Variants in ARHGAP35 observed in about 807,000 individuals in gnomAD.
The protein encoded by ARHGAP35 is rho GTPase-activating protein 35.
In ARHGAP35, 15 loss-of-function variants were observed where a neutral mutation model predicts 111.1. The observed-to-expected ratio is 0.13, with a 90% CI of 0.09 to 0.21. The LOEUF is 0.21. Ranked by LOEUF, ARHGAP35 falls within the 10% of genes least tolerant of loss-of-function variation. The pLI is 1.00. For missense variants in ARHGAP35, 1,262 were observed against 1,873.0 expected (o/e 0.67, Z 6.02); for synonymous variants, 643 against 710.3 (o/e 0.91, Z 1.51).
chr19:46,882,528 G>A (rs1352807672), intron 1 of ARHGAP35, among the ~76,000 whole-genome samples: 1 of 152,040 alleles, frequency 6.6e-6, no homozygotes, highest in African/African-American at 2.4e-5. Context: ...TACATGTGCA[G>A]AACGTGCAGA....
intron 1 of ARHGAP35, among the ~76,000 whole-genome samples, chr19:46,907,805 A>C (rs2056118625): frequency 6.6e-6 from 1 of 152,220 alleles, no homozygotes; most frequent in African/African-American, 2.4e-5. Flanking sequence ...CCTTAGCTTC[A>C]GTACAGGTGC....
chr19:46,982,404 G>A (rs1032569889), intron 3 of ARHGAP35, among the ~76,000 whole-genome samples: 3 of 151,930 alleles, frequency 2.0e-5, no homozygotes, highest in East Asian at 1.9e-4. Flanking sequence ...TTGAACCCAG[G>A]AGGCGGAGGT....
At chr19:46,949,432 G>A (rs1007573669) in intron 3 of ARHGAP35, among the ~76,000 whole-genome samples, 3 of 152,142 alleles carry the variant, frequency 2.0e-5, no homozygotes, top group Admixed American at 1.3e-4. Context: ...GGATGAACCC[G>A]ACATTGTGTT....
chr19:46,933,266 C>T (rs2056283871), intron 2 of ARHGAP35, among the ~76,000 whole-genome samples: 1 of 151,406 alleles, frequency 6.6e-6, no homozygotes, highest in Non-Finnish European at 1.5e-5. Flanking sequence ...ACTGCAGCCT[C>T]TCGAGTTGCT....
chr19:46,885,225 T>A (rs1362815865), intron 1 of ARHGAP35, among the ~76,000 whole-genome samples: 1 of 152,216 alleles, frequency 6.6e-6, no homozygotes, highest in African/African-American at 2.4e-5. Context: ...ATTTTACTTT[T>A]GGACAAGTGA....
chr19:46,888,302 ATATATATATATATAT>A lies in ARHGAP35; in HGVS notation c.-189+27094_-189+27108del, dbSNP rs1568461110. On this transcript the variant is annotated intron_variant, in intron 1 of 6. Transcript: ENST00000672722. Reference sequence around the variant, plus strand: ...TATATATATATATATATATATATATATATATATATATATATAAAATATTGATTTTATACACACACA... The same window carrying A: ...TATATATATATATATATATATATATAAAAATATTGATTTTATACACACACA... 3.4e-4 allele frequency among the ~76,000 whole-genome samples: 23 copies of A among 68,020 alleles called. 2 individuals are homozygous for A. The highest frequency in any genetic ancestry group is 8.7e-4 in the South Asian group (2 of 2,286). 44.6% of individuals were successfully genotyped at this position (68,020 alleles called of 152,430 possible).
In ARHGAP35 at chr19:46,922,239, G is replaced by C; in HGVS notation, c.3564G>C (p.Lys1188Asn). The change falls in exon 2 of 7, where the codon AAG becomes AAC. Residue 1188 changes from lysine (K) to asparagine (N), a missense_variant. This residue lies in a region of ARHGAP35 where 579 missense variants were observed against 716.9 expected (regional missense o/e 0.81). Transcript: ENST00000672722. This position sits in a 1 kb window ranked among gnomAD's most constrained non-coding sequence, Gnocchi z 4.0. ...ATGATGAGCTGGGGCCCATCCGGAA[G>C]AAAGAGGAGGATCAGGCATCCCAGG... ...GSDDELGPIR[K>N]KEEDQASQGY... 1 of 1,614,018 alleles carries C rather than the reference G, an allele frequency of 6.2e-7. No individual in the cohort carries two copies. Among genetic ancestry groups the C allele is most frequent in the East Asian group, 2.2e-5 (1 of 44,884 alleles).
At chr19:46,995,231 A>G (rs1190279318) in intron 5 of ARHGAP35, among the ~76,000 whole-genome samples, 3 of 152,160 alleles carry the variant, frequency 2.0e-5, no homozygotes, top group African/African-American at 7.2e-5. Flanking sequence ...CCTGACCAAC[A>G]CGGTGAAACC....
Position 46,994,094 on chromosome 19 carries a change from C to T in ARHGAP35, c.4036+4419C>T, listed in dbSNP as rs910864766. Among the ~76,000 whole-genome samples, 1 of 152,172 alleles carries T rather than the reference C, an allele frequency of 6.6e-6. No individual in the cohort carries two copies. The highest frequency in any genetic ancestry group is 1.5e-5 in the Non-Finnish European group (1 of 68,016). ...CTGGACGAGCGGACCTGGGAATCCA[C>T]AAACCAGCACACGCCAGGTGTGGGG... On this transcript the variant is annotated intron_variant, in intron 5 of 6. Coordinates refer to ENST00000672722, the MANE Select transcript of ARHGAP35 (RefSeq NM_004491.5). This position sits in a 1 kb window ranked among gnomAD's most constrained non-coding sequence, Gnocchi z 5.4.
At chr19:46,929,914 CA>C (rs550047007) in intron 2 of ARHGAP35, among the ~76,000 whole-genome samples, 283 of 117,308 alleles carry the variant, frequency 2.4e-3, no homozygotes, top group East Asian at 0.012. Context: ...AACTCCATCT[CA>C]AAAAAAAAAA....
intron 3 of ARHGAP35, among the ~76,000 whole-genome samples, chr19:46,940,778 A>G (rs1401065524): frequency 6.6e-6 from 1 of 151,942 alleles, no homozygotes; most frequent in Admixed American, 6.6e-5. Flanking sequence ...AGTTTTTTGG[A>G]TATTTCATCG....
chr19:46,925,150 C>T (rs934251368), intron 2 of ARHGAP35, among the ~76,000 whole-genome samples: 3 of 152,158 alleles, frequency 2.0e-5, no homozygotes, highest in Admixed American at 6.5e-5. Flanking sequence ...AGAGCAATAG[C>T]GTGCCAGAAG....
chr19:46,922,399 G>A lies in ARHGAP35; in HGVS notation c.3681+43G>A, dbSNP rs538829439. 10 of 1,462,406 alleles carry A rather than the reference G, an allele frequency of 6.8e-6. No homozygotes were observed. The highest frequency in any genetic ancestry group is 4.8e-5 in the East Asian group (2 of 41,858). The allele number at this position is 1,462,406 out of a possible 1,614,324, so 90.6% of individuals were successfully genotyped here. A position where few individuals can be genotyped will look rare whatever the true frequency, so the allele number is the denominator to read the frequency against. On this transcript the variant is annotated intron_variant, in intron 2 of 6. Coordinates refer to ENST00000672722, the MANE Select transcript of ARHGAP35 (RefSeq NM_004491.5). This position sits in a 1 kb window ranked among gnomAD's most constrained non-coding sequence, Gnocchi z 4.0. ...GATTAGTCATAGTGTTTTGTACAGC[G>A]TCTCGGTGAGGGTTGATTGATGATG...
Position 46,882,254 on chromosome 19 carries a change from C to A in ARHGAP35, c.-189+21045C>A, listed in dbSNP as rs571398295. On this transcript the variant is annotated intron_variant, in intron 1 of 6. Transcript: ENST00000672722. Reference sequence around the variant, plus strand: ...CCTCAAGCAGTCCCCCCACCTCAACCCCCCCAGGTTGCTGGGATTGCAGGC... The same window carrying A: ...CCTCAAGCAGTCCCCCCACCTCAACACCCCCAGGTTGCTGGGATTGCAGGC... Among the ~76,000 whole-genome samples, 3 of 151,486 alleles carry A rather than the reference C, an allele frequency of 2.0e-5. 1 individual carries two copies. Among genetic ancestry groups the A allele is most frequent in the South Asian group, 4.2e-4 (2 of 4,800 alleles).
chr19:46,913,159 T>G (rs1157349973), intron 1 of ARHGAP35, among the ~76,000 whole-genome samples: 1 of 149,782 alleles, frequency 6.7e-6, no homozygotes, highest in Non-Finnish European at 1.5e-5. Flanking sequence ...GTCATTTTTA[T>G]TATGGATAAT....
At chr19:46,978,952 T>C (rs992662147) in intron 3 of ARHGAP35, among the ~76,000 whole-genome samples, 15 of 109,654 alleles carry the variant, frequency 1.4e-4, no homozygotes, top group African/African-American at 2.2e-4. Context: ...TGTGTGTGTG[T>C]GGTGGGGTTT....
intron 1 of ARHGAP35, among the ~76,000 whole-genome samples, chr19:46,897,994 T>C (rs1310577098): frequency 6.6e-6 from 1 of 152,176 alleles, no homozygotes; most frequent in Admixed American, 6.5e-5. Context: ...ATACGTTACC[T>C]AAGAAGTGCC....
intron 3 of ARHGAP35, among the ~76,000 whole-genome samples, chr19:46,953,244 G>A (rs1393738877): frequency 6.6e-6 from 1 of 152,152 alleles, no homozygotes. Context: ...AGTGATTAGT[G>A]TTTGGGAAGG....
At chr19:46,967,883 C>T (rs1453499223) in intron 3 of ARHGAP35, among the ~76,000 whole-genome samples, 1 of 151,312 alleles carries the variant, frequency 6.6e-6, no homozygotes, top group Non-Finnish European at 1.5e-5. Context: ...GGCTCCCTGC[C>T]GTGTCTGTCA....
Sources: gnomAD v4.1 joint callset for allele counts (sites outside exome capture counted in the v4.1 genomes callset) on GRCh38, gnomAD v4.1.1 for gene constraint, gnomAD v4.1.1 regional missense constraint, Gnocchi (gnomAD v3.1) non-coding constraint, MANE v1.5 for transcripts, NCBI Gene and HGNC (gene_info 2026-07-23, HGNC 2026-07-21) for gene names.